Variants in DENND3 observed in about 807,000 individuals in gnomAD.
DENND3 encodes the protein DENN domain-containing protein 3.
A neutral mutation model predicts 135.1 loss-of-function variants in DENND3; 88 were observed. The observed-to-expected ratio is 0.65, with a 90% CI of 0.55 to 0.78. The LOEUF is 0.78. Among genes scored for constraint, DENND3 ranks in the 30% least tolerant of loss-of-function variants. The pLI, the probability that DENND3 is intolerant of heterozygous loss-of-function variation, is 0.00. For synonymous variants in DENND3, 693 were observed against 712.3 expected, an observed-to-expected ratio of 0.97 and a Z score of 0.43; for missense variants, 1,392 against 1,688.4, an observed-to-expected ratio of 0.82 and a Z score of 3.08.
Position 141,192,548 on chromosome 8 carries a change from G to C in DENND3, c.3521G>C (p.Cys1174Ser), listed in dbSNP as rs544258745. The change falls in exon 22 of 23, where the codon TGT becomes TCT. Residue 1174 changes from cysteine to serine, a missense_variant. Cys to Ser is a moderately radical substitution (Grantham distance 112, BLOSUM62 -1). Coordinates refer to ENST00000519811, the MANE Select transcript of DENND3 (RefSeq NM_001352890.3). ...CAGGAGGAGCAGCTGTGGGCGGCCT[G>C]TGCAGGACGCAGCGAGGTTTACATC... ...LPEEEQLWAA[C>S]AGRSEVYIWS... is the part of the protein sequence containing the mutation. The C allele has an allele frequency of 1.9e-6, 3 of 1,589,366 alleles. No homozygotes were observed. Among genetic ancestry groups the C allele is most frequent in the Admixed American group, 3.5e-5 (2 of 57,904 alleles).
At chr8:141,158,829 T>C (rs1819771735) in intron 8 of DENND3, among the ~76,000 whole-genome samples, 1 of 152,128 alleles carries the variant, frequency 6.6e-6, no homozygotes, top group Non-Finnish European at 1.5e-5. Context: ...AGCTCAGGGC[T>C]ATGCTGGCTG....
At chr8:141,152,445 C>T (rs982442299) in intron 7 of DENND3, among the ~76,000 whole-genome samples, 6 of 152,156 alleles carry the variant, frequency 3.9e-5, no homozygotes, top group African/African-American at 4.8e-5. Context: ...CTGGGTTTGC[C>T]GGTTCTGGAC....
rs1452977664 is a variant in DENND3, at chr8:141,156,105, A to AT, written c.1196+139dup. ...ATTATAGTTTGGAAATTATTTGTGA[A>AT]TTTTGTTTTCTGAGATTGAGTCTCA... is the stretch of plus-strand genomic sequence containing the variant. On this transcript the variant is annotated intron_variant, in intron 8 of 22. Coordinates refer to ENST00000519811, the MANE Select transcript of DENND3 (RefSeq NM_001352890.3). 4.5e-5 allele frequency: 57 copies of AT among 1,254,780 alleles called. No individual in the cohort carries two copies. In the African/African-American group the frequency reaches 6.7e-4, roughly 15 times the overall value. 77.7% of individuals were successfully genotyped at this position (1,254,780 alleles called of 1,614,324 possible). A position where few individuals can be genotyped will look rare whatever the true frequency, so the allele number is the denominator to read the frequency against.
rs369489966 is a variant in DENND3 at position 141,188,965 on chromosome 8, G to A, written c.3085-21G>A. 103 of 1,606,050 alleles carry A rather than the reference G, an allele frequency of 6.4e-5. 1 individual carries two copies. The highest frequency in any genetic ancestry group is 6.0e-4 in the East Asian group (27 of 44,686). ...GTATCGAGACTGACTGATTTCTCACGTTCCCGTGGCCTCCTGTTAGAACTG... is the reference window on the plus strand; with the variant it reads ...GTATCGAGACTGACTGATTTCTCACATTCCCGTGGCCTCCTGTTAGAACTG... On this transcript the variant is annotated intron_variant, in intron 18 of 22. Coordinates refer to ENST00000519811, the MANE Select transcript of DENND3 (RefSeq NM_001352890.3).
Position 141,175,768 on chromosome 8 carries a change from G to A in DENND3, c.2535+309G>A. Reference sequence around the variant, plus strand: ...AATGTGGGCTGACATTCTCATTAGGGACAGTAGGACGCCTTCGTTCATCCA... The same window carrying A: ...AATGTGGGCTGACATTCTCATTAGGAACAGTAGGACGCCTTCGTTCATCCA... On this transcript the variant is annotated intron_variant, in intron 14 of 22. Coordinates refer to ENST00000519811, the MANE Select transcript of DENND3 (RefSeq NM_001352890.3). The surrounding 1 kb of genome is among the most constrained non-coding windows in gnomAD (Gnocchi z 5.4). 1 of 417,130 alleles carries A rather than the reference G, an allele frequency of 2.4e-6. No homozygotes were observed. Among genetic ancestry groups the A allele is most frequent in the South Asian group, 2.2e-5 (1 of 46,030 alleles). 25.8% of individuals were successfully genotyped at this position (417,130 alleles called of 1,614,324 possible).
At chr8:141,148,048 T>A (rs1180335118) in intron 5 of DENND3, among the ~76,000 whole-genome samples, 1 of 152,204 alleles carries the variant, frequency 6.6e-6, no homozygotes. Context: ...TTGTTTTGAA[T>A]AAATCCAAGA....
Position 141,164,700 on chromosome 8 carries a change from C to G in DENND3, c.1450-486C>G, listed in dbSNP as rs964476460. ...GACCCTGATGCAGGCTCCGGGAGCT[C>G]CCTGTATCATTCCCTCCTCTCCAGA... On this transcript the variant is annotated intron_variant, in intron 10 of 22. Coordinates refer to ENST00000519811, the MANE Select transcript of DENND3 (RefSeq NM_001352890.3). Among the ~76,000 whole-genome samples, 4 of 152,236 alleles carry G rather than the reference C, an allele frequency of 2.6e-5. No homozygotes were observed. The East Asian group carries it at 7.7e-4, about 29-fold the overall frequency.
chr8:141,155,698 C>A, intron 7 of DENND3, 151 bp from the exon 8 acceptor site: 1 of 1,015,236 alleles, frequency 9.8e-7, no homozygotes, highest in Non-Finnish European at 1.3e-6. Context: ...TGAGTCACTG[C>A]ACCCGGCCTA....
chr8:141,140,630 A>G (rs1380197399), intron 3 of DENND3, among the ~76,000 whole-genome samples: 1 of 152,224 alleles, frequency 6.6e-6, no homozygotes, highest in Admixed American at 6.5e-5. Flanking sequence ...GATATCTTAT[A>G]AGTACCCTAA....
chr8:141,192,335 A>G lies in DENND3; in HGVS notation c.3384A>G (p.Thr1128=). The G allele has an allele frequency of 6.2e-7, 1 of 1,614,002 alleles. No individual in the cohort carries two copies. The highest frequency in any genetic ancestry group is 1.1e-5 in the South Asian group (1 of 91,076). Residue 1128 remains threonine (T), a synonymous_variant, in exon 21 of 23, where the codon ACA becomes ACG. Transcript: ENST00000519811. ...CCTAGCTCCTTCCTTCCACAGGCAC[A>G]GGTAACAGCATCATGGTCATGAAAA... is the stretch of plus-strand genomic sequence containing the variant. ...RLHGGRLWCC[T]GNSIMVMKMN... is the part of the protein sequence containing the mutation.
intron 1 of DENND3, among the ~76,000 whole-genome samples, chr8:141,132,924 T>C (rs1312209135): frequency 6.6e-6 from 1 of 152,158 alleles, no homozygotes; most frequent in East Asian, 1.9e-4. Flanking sequence ...AGGAACGATA[T>C]CGCCTCAGTC....
At chr8:141,188,659 G>C (rs1824257122) in intron 18 of DENND3, 2 of 255,518 alleles carry the variant, frequency 7.8e-6, no homozygotes, top group South Asian at 1.6e-4. Context: ...AGGAGGCGGT[G>C]ACGTGTCTTG....
In DENND3 at chr8:141,193,898, C is replaced by G. The variant is rs1825098383; in HGVS notation, c.3637-135C>G. 3 of 1,009,086 alleles carry G rather than the reference C, an allele frequency of 3.0e-6. No individual in the cohort carries two copies. The Admixed American group carries it at 7.0e-5, about 24-fold the overall frequency. The allele number at this position is 1,009,086 out of a possible 1,614,324, so 62.5% of individuals were successfully genotyped here. ...GCACCTGCCAGGCGGCCCTGACCCT[C>G]AGGCGGCAGAGGCCCTGTCCAGGAA... On this transcript the variant is annotated intron_variant, in intron 22 of 22. Coordinates refer to ENST00000519811, the MANE Select transcript of DENND3 (RefSeq NM_001352890.3).
At chr8:141,187,780 A>G (rs1312583769) in intron 18 of DENND3, among the ~76,000 whole-genome samples, 1 of 152,264 alleles carries the variant, frequency 6.6e-6, no homozygotes, top group African/African-American at 2.4e-5. Context: ...GATCCATGAT[A>G]CAGTAAAAAT....
chr8:141,157,273 G>C (rs1272297619), intron 8 of DENND3: 1 of 983,820 alleles, frequency 1.0e-6, no homozygotes, highest in Non-Finnish European at 1.2e-6. Flanking sequence ...GGGAGGGTGA[G>C]AGGAGGTGTA....
intron 13 of DENND3, among the ~76,000 whole-genome samples, chr8:141,171,098 G>A (rs933811467): frequency 2.0e-5 from 3 of 152,232 alleles, no homozygotes; most frequent in Admixed American, 6.5e-5. Context: ...CCTTGCTTAC[G>A]TTGCCGATTA....
chr8:141,129,286 C>A (rs1244247596), intron 1 of DENND3, among the ~76,000 whole-genome samples: 1 of 152,192 alleles, frequency 6.6e-6, no homozygotes, highest in African/African-American at 2.4e-5. Flanking sequence ...TGTGTTGTCC[C>A]CTGAGTAGTG....
In DENND3 at chr8:141,145,824, TATATATATATATATATATATA is replaced by T. The variant is rs1312325470; in HGVS notation, c.735+1566_735+1586del. Among the ~76,000 whole-genome samples the T allele has an allele frequency of 9.3e-3, 375 of 40,362 alleles. 12 individuals are homozygous for T. Among genetic ancestry groups the T allele is most frequent in the African/African-American group, 0.028 (288 of 10,330 alleles). 26.5% of individuals were successfully genotyped at this position (40,362 alleles called of 152,430 possible). A position where few individuals can be genotyped will look rare whatever the true frequency, so the allele number is the denominator to read the frequency against. On this transcript the variant is annotated intron_variant, in intron 5 of 22. Coordinates refer to ENST00000519811, the MANE Select transcript of DENND3 (RefSeq NM_001352890.3). The stretch of plus-strand genomic sequence containing the variant: ...AATATTATATATATATATATATATA[TATATATATATATATATATATA>T]TATATGTATTTTTTTTTTTTTGAGG...
At chr8:141,173,139 C>T (rs561671842) in intron 13 of DENND3, among the ~76,000 whole-genome samples, 3 of 149,054 alleles carry the variant, frequency 2.0e-5, no homozygotes, top group South Asian at 4.3e-4. Flanking sequence ...CCCCCATGCT[C>T]TTCGCGACCT....
Sources: allele counts gnomAD v4.1 joint callset (sites outside exome capture counted in the v4.1 genomes callset), GRCh38; gene constraint gnomAD v4.1.1; non-coding constraint Gnocchi (gnomAD v3.1); transcripts MANE v1.5; gene names NCBI Gene and HGNC (gene_info 2026-07-23, HGNC 2026-07-21).